Variants in NEURL1 observed in about 807,000 individuals in gnomAD.
NEURL1 encodes neuralized E3 ubiquitin protein ligase 1.
NEURL1 carries 26 observed loss-of-function variants against 41.2 expected under a neutral mutation model. That is an observed-to-expected ratio of 0.63 (90% CI 0.46 to 0.87). The LOEUF is 0.87. NEURL1 is among the 40% of genes least tolerant of loss of function. The pLI is 0.00. For synonymous variants in NEURL1, 400 were observed against 402.3 expected (o/e 0.99, Z 0.07); for missense variants, 761 against 871.1 (o/e 0.87, Z 1.59).
In NEURL1 at chr10:103,584,976, A is replaced by G; in HGVS notation, c.1090A>G (p.Thr364Ala). The G allele has an allele frequency of 6.5e-7, 1 of 1,530,556 alleles. No homozygotes were observed. Among genetic ancestry groups the G allele is most frequent in the African/African-American group, 1.4e-5 (1 of 70,502 alleles). The allele number at this position is 1,530,556 out of a possible 1,614,324, so 94.8% of individuals were successfully genotyped here. The change falls in exon 4 of 6, where the codon ACG becomes GCG. Residue 364 changes from threonine to alanine, a missense_variant. Around this residue, in one of 5 missense-constraint regions of NEURL1, gnomAD observed 443 missense variants for 408.1 expected, o/e 1.09. Coordinates refer to ENST00000369780, the MANE Select transcript of NEURL1 (RefSeq NM_004210.5). ...SFGVTTCDPG[T>A]LRPADLPFSP... ...CGGCGTCACCACGTGCGACCCCGGC[A>G]CGCTGCGGCCGGCCGACCTGCCTTT...
In NEURL1 at chr10:103,520,925, G is replaced by A. The variant is rs557758244; in HGVS notation, c.85+26453G>A. On this transcript the variant is annotated intron_variant, in intron 1 of 5. Transcript: ENST00000369780. Reference sequence around the variant, plus strand: ...TTTTGGATGAATTGAGAAACTAAACGGAAGACACAAGGTCTGAATAAGAGA... The same window carrying A: ...TTTTGGATGAATTGAGAAACTAAACAGAAGACACAAGGTCTGAATAAGAGA... 2.0e-5 allele frequency among the ~76,000 whole-genome samples: 3 copies of A among 152,216 alleles called. No individual in the cohort carries two copies. In the South Asian group the frequency reaches 6.2e-4, roughly 32 times the overall value.
chr10:103,494,378 G>A lies in NEURL1; in HGVS notation c.-10G>A, dbSNP rs1213330657. On this transcript the variant is annotated 5_prime_UTR_variant, in exon 1 of 6. Transcript: ENST00000369780. Reference sequence around the variant, plus strand: ...ACCCGCGAGCGCCGAACCTCCTGGGGCCGGATGCCATGGGTAACAACTTCT... The same window carrying A: ...ACCCGCGAGCGCCGAACCTCCTGGGACCGGATGCCATGGGTAACAACTTCT... 3 of 1,578,070 alleles carry A rather than the reference G, an allele frequency of 1.9e-6. No individual in the cohort carries two copies. Among genetic ancestry groups the A allele is most frequent in the Non-Finnish European group, 8.6e-7 (1 of 1,161,808 alleles).
chr10:103,585,971 G>T (rs1197041836), intron 4 of NEURL1, among the ~76,000 whole-genome samples: 1 of 152,116 alleles, frequency 6.6e-6, no homozygotes, highest in African/African-American at 2.4e-5. Context: ...TGGAATGTCA[G>T]TAGTCAGGTG....
Position 103,556,177 on chromosome 10 carries a change from G to A in NEURL1, c.86-14695G>A, listed in dbSNP as rs894218168. Among the ~76,000 whole-genome samples, 1 of 152,250 alleles carries A rather than the reference G, an allele frequency of 6.6e-6. No individual in the cohort carries two copies. The highest frequency in any genetic ancestry group is 1.9e-4 in the East Asian group (1 of 5,198). ...GGTTAAAGAGAGGGGGCCACTGGCT[G>A]GCTCCCCATTTGCAGAGCTCCTGCT... On this transcript the variant is annotated intron_variant, in intron 1 of 5. Coordinates refer to ENST00000369780, the MANE Select transcript of NEURL1 (RefSeq NM_004210.5). This position sits in a 1 kb window ranked among gnomAD's most constrained non-coding sequence, Gnocchi z 4.4.
intron 3 of NEURL1, 109 bp from the exon 4 acceptor site, chr10:103,584,427 A>C: frequency 1.2e-5 from 7 of 580,468 alleles, no homozygotes; most frequent in Non-Finnish European, 1.0e-5. Context: ...CGTGTGCGCC[A>C]TTAGCCATCC....
In NEURL1 at chr10:103,570,951, C is replaced by G; in HGVS notation, c.165C>G (p.Ser55Arg). The change falls in exon 2 of 6, where the codon AGC becomes AGG. Residue 55 changes from serine (S) to arginine (R), a missense_variant. Around this residue, in one of 5 missense-constraint regions of NEURL1, gnomAD observed 94 missense variants for 96.6 expected, o/e 0.97. Transcript: ENST00000369780. Reference protein sequence around the residue: ...KQKHCPAVLPSGGLPATPLLF... With the variant: ...KQKHCPAVLPRGGLPATPLLF... ...AGCACTGTCCGGCAGTGCTGCCCAG[C>G]GGGGGGCTCCCAGCCACGCCGCTGC... The G allele has an allele frequency of 6.2e-7, 1 of 1,613,878 alleles. No individual in the cohort carries two copies. Among genetic ancestry groups the G allele is most frequent in the East Asian group, 2.2e-5 (1 of 44,878 alleles).
chr10:103,568,264 G>A (rs549277543), intron 1 of NEURL1, among the ~76,000 whole-genome samples: 1 of 152,322 alleles, frequency 6.6e-6, no homozygotes, highest in South Asian at 2.1e-4. Context: ...ACTGGGATTG[G>A]CAGGGGTCCT....
In NEURL1 at chr10:103,566,718, G is replaced by A. The variant is rs975777179; in HGVS notation, c.86-4154G>A. Among the ~76,000 whole-genome samples the A allele has an allele frequency of 3.9e-5, 6 of 152,160 alleles. No individual in the cohort carries two copies. The highest frequency in any genetic ancestry group is 5.9e-5 in the Non-Finnish European group (4 of 68,034). On this transcript the variant is annotated intron_variant, in intron 1 of 5. Transcript: ENST00000369780. This position sits in a 1 kb window ranked among gnomAD's most constrained non-coding sequence, Gnocchi z 4.2. Reference sequence around the variant, plus strand: ...TTCTTGTGGGGAAATGCCTGGAAGTGTGATGCTGGGACATATGTTAGGCAT... The same window carrying A: ...TTCTTGTGGGGAAATGCCTGGAAGTATGATGCTGGGACATATGTTAGGCAT...
At chr10:103,568,391 C>T (rs538748510) in intron 1 of NEURL1, among the ~76,000 whole-genome samples, 15 of 152,188 alleles carry the variant, frequency 9.9e-5, no homozygotes, top group Non-Finnish European at 1.5e-4. Flanking sequence ...GGCCCCAGGA[C>T]GTCAAGCAGG....
intron 1 of NEURL1, among the ~76,000 whole-genome samples, chr10:103,519,763 A>G (rs2034302729): frequency 8.9e-6 from 1 of 112,678 alleles, no homozygotes; most frequent in Non-Finnish European, 1.8e-5. Flanking sequence ...ATCACCAGCA[A>G]TAGTTTTTTG....
Position 103,558,166 on chromosome 10 carries a change from C to T in NEURL1, c.86-12706C>T, listed in dbSNP as rs1008254375. On this transcript the variant is annotated intron_variant, in intron 1 of 5. Coordinates refer to ENST00000369780, the MANE Select transcript of NEURL1 (RefSeq NM_004210.5). The surrounding 1 kb of genome is among the most constrained non-coding windows in gnomAD (Gnocchi z 4.2). ...GTGCTGGGTTTACAGGTGTGAGCCA[C>T]CGCGCTTGGCTGATTGTATTTTCTT... 1 of 985,292 alleles carries T rather than the reference C, an allele frequency of 1.0e-6. No homozygotes were observed. The highest frequency in any genetic ancestry group is 1.7e-5 in the African/African-American group (1 of 57,240). The allele number at this position is 985,292 out of a possible 1,614,324, so 61.0% of individuals were successfully genotyped here. A position where few individuals can be genotyped will look rare whatever the true frequency, so the allele number is the denominator to read the frequency against.
chr10:103,569,389 G>A (rs1007590202), intron 1 of NEURL1, among the ~76,000 whole-genome samples: 1 of 152,236 alleles, frequency 6.6e-6, no homozygotes, highest in Non-Finnish European at 1.5e-5. Context: ...CACAGCAGGG[G>A]TGATTTTTCT....
intron 1 of NEURL1, among the ~76,000 whole-genome samples, chr10:103,509,041 C>A (rs1426810780): frequency 6.6e-6 from 1 of 152,128 alleles, no homozygotes; most frequent in African/African-American, 2.4e-5. Context: ...CCAGCCCGGC[C>A]AACATGGCGA....
intron 1 of NEURL1, chr10:103,555,503 T>C: frequency 8.8e-7 from 1 of 1,136,932 alleles, no homozygotes; most frequent in Non-Finnish European, 1.2e-6. Flanking sequence ...GCTGAGGGCT[T>C]GGTCATGCCC....
At position 103,508,472 on chromosome 10, in the gene NEURL1, G is replaced by C. The variant is rs563366486; in HGVS notation, c.85+14000G>C. On this transcript the variant is annotated intron_variant, in intron 1 of 5. Transcript: ENST00000369780. The surrounding 1 kb of genome is among the most constrained non-coding windows in gnomAD (Gnocchi z 4.3). ...TTCTCTTCCAGCCCCGAGGGACAAAGGCAGACCTTGGACTCAATGGAGTGC... is the reference window on the plus strand; with the variant it reads ...TTCTCTTCCAGCCCCGAGGGACAAACGCAGACCTTGGACTCAATGGAGTGC... Among the ~76,000 whole-genome samples the C allele has an allele frequency of 3.3e-5, 5 of 152,206 alleles. No homozygotes were observed. Among genetic ancestry groups the C allele is most frequent in the Non-Finnish European group, 7.3e-5 (5 of 68,046 alleles).
chr10:103,554,463 GT>G (rs1180873225), intron 1 of NEURL1, among the ~76,000 whole-genome samples: 2 of 152,174 alleles, frequency 1.3e-5, no homozygotes, highest in African/African-American at 4.8e-5. Flanking sequence ...GTGTTGGGGT[GT>G]GTGGTGTGTG....
At chr10:103,563,316 C>T (rs899753393) in intron 1 of NEURL1, among the ~76,000 whole-genome samples, 1 of 152,192 alleles carries the variant, frequency 6.6e-6, no homozygotes, top group Non-Finnish European at 1.5e-5. Context: ...CTATGATGAG[C>T]TTCATTTTAC....
chr10:103,529,721 A>G lies in NEURL1; in HGVS notation c.85+35249A>G, dbSNP rs575595099. 5.2e-5 allele frequency among the ~76,000 whole-genome samples: 8 copies of G among 152,382 alleles called. No individual in the cohort carries two copies. In the South Asian group the frequency reaches 1.7e-3, roughly 32 times the overall value. Reference sequence around the variant, plus strand: ...GAAATATGCTCCAAGTTTTGCTTACAGGAGGATTCTTTACTCAATTGCTAA... The same window carrying G: ...GAAATATGCTCCAAGTTTTGCTTACGGGAGGATTCTTTACTCAATTGCTAA... On this transcript the variant is annotated intron_variant, in intron 1 of 5. Coordinates refer to ENST00000369780, the MANE Select transcript of NEURL1 (RefSeq NM_004210.5).
At chr10:103,530,572 T>C (rs1284465059) in intron 1 of NEURL1, among the ~76,000 whole-genome samples, 3 of 151,856 alleles carry the variant, frequency 2.0e-5, no homozygotes, top group Non-Finnish European at 4.4e-5. Flanking sequence ...TTTTTTTTTT[T>C]CTCTGTCACC....
Sources: gnomAD v4.1 joint callset for allele counts (sites outside exome capture counted in the v4.1 genomes callset) on GRCh38, gnomAD v4.1.1 for gene constraint, gnomAD v4.1.1 regional missense constraint, Gnocchi (gnomAD v3.1) non-coding constraint, MANE v1.5 for transcripts, NCBI Gene and HGNC (gene_info 2026-07-23, HGNC 2026-07-21) for gene names.